Variants in RBFOX1 observed in about 807,000 individuals in gnomAD.
RBFOX1 encodes RNA binding fox-1 homolog 1, also known as RNA binding protein fox-1 homolog 1.
RBFOX1 carries 8 observed loss-of-function variants against 57.7 expected under a neutral mutation model. That is an observed-to-expected ratio of 0.14 (90% CI 0.08 to 0.25). RBFOX1 has a LOEUF of 0.25. Ranked by LOEUF, RBFOX1 falls within the 10% of genes least tolerant of loss-of-function variation. The probability of loss-of-function intolerance (pLI) is 1.00; values close to 1 mark genes in which losing one functional copy is unlikely to be tolerated. For missense variants in RBFOX1, 611 were observed against 548.5 expected (o/e 1.11, Z -1.14); for synonymous variants, 326 against 222.4 (o/e 1.47, Z -4.15).
Position 5,270,386 on chromosome 16 carries a change from G to C in RBFOX1, c.219+30281G>C, listed in dbSNP as rs1363541708. 43 of 1,288,328 alleles carry C rather than the reference G, an allele frequency of 3.3e-5. No individual in the cohort carries two copies. The Admixed American group carries it at 3.7e-4, about 11-fold the overall frequency. 79.8% of individuals were successfully genotyped at this position (1,288,328 alleles called of 1,614,324 possible). A position where few individuals can be genotyped will look rare whatever the true frequency, so the allele number is the denominator to read the frequency against. On this transcript the variant is annotated intron_variant, in intron 1 of 2. Coordinates refer to the RBFOX1 transcript ENST00000585867. ...GGGTCTTGTGTTTGAAGTGAGTCTTGCTGATGTGCAGAATGATGAAGTTGC... is the reference window on the plus strand; with the variant it reads ...GGGTCTTGTGTTTGAAGTGAGTCTTCCTGATGTGCAGAATGATGAAGTTGC...
chr16:6,469,218 A>G (rs1275894747), intron 2 of RBFOX1, among the ~76,000 whole-genome samples: 1 of 152,194 alleles, frequency 6.6e-6, no homozygotes, highest in African/African-American at 2.4e-5. Context: ...TAAAATATAG[A>G]GAAGTAGAGG....
At chr16:6,863,679 A>AAT (rs957898270) in intron 3 of RBFOX1, among the ~76,000 whole-genome samples, 1 of 140,924 alleles carries the variant, frequency 7.1e-6, no homozygotes, top group African/African-American at 2.9e-5. Flanking sequence ...TTAAAAAAAA[A>AAT]AAAAGAAAAA....
chr16:6,987,663 C>T (rs763807837), intron 3 of RBFOX1, among the ~76,000 whole-genome samples: 1 of 152,182 alleles, frequency 6.6e-6, no homozygotes, highest in Admixed American at 6.5e-5. Context: ...CTCCACTGAC[C>T]TGCAGTTCAC....
chr16:7,673,962 C>CACT (rs2072455822), intron 13 of RBFOX1, among the ~76,000 whole-genome samples: 1 of 152,174 alleles, frequency 6.6e-6, no homozygotes, highest in East Asian at 1.9e-4. Flanking sequence ...TTACAGACAT[C>CACT]ACTGTGGAAC....
intron 4 of RBFOX1, among the ~76,000 whole-genome samples, chr16:7,085,576 A>G (rs546572109): frequency 6.6e-6 from 1 of 152,252 alleles, no homozygotes; most frequent in Non-Finnish European, 1.5e-5. Flanking sequence ...TTGTGGAATC[A>G]ATGAATGAAC....
intron 1 of RBFOX1, among the ~76,000 whole-genome samples, chr16:5,406,260 G>C (rs1489714264): frequency 1.3e-5 from 2 of 152,102 alleles, no homozygotes; most frequent in Admixed American, 1.3e-4. Flanking sequence ...GTTTGAATTG[G>C]TGGATGAGTA....
At chr16:5,526,724 C>CT (rs1442264919) in intron 2 of RBFOX1, among the ~76,000 whole-genome samples, 2 of 152,196 alleles carry the variant, frequency 1.3e-5, no homozygotes, top group East Asian at 1.9e-4. Flanking sequence ...CTGTGCCCCT[C>CT]TCCCCCAGCC....
intron 15 of RBFOX1, 188 bp from the exon 16 acceptor site, chr16:7,710,435 G>A (rs2148624878): frequency 3.5e-6 from 5 of 1,411,334 alleles, no homozygotes; most frequent in East Asian, 2.8e-5. Flanking sequence ...AATTTCTTTA[G>A]GAGGAGCTAT....
intron 2 of RBFOX1, among the ~76,000 whole-genome samples, chr16:6,579,211 T>G (rs566687398): frequency 6.6e-6 from 1 of 152,142 alleles, no homozygotes; most frequent in African/African-American, 2.4e-5. Context: ...GTTATTGTTG[T>G]TTTTGTTTTT....
chr16:5,560,998 G>T (rs933935219), intron 2 of RBFOX1, among the ~76,000 whole-genome samples: 2 of 152,190 alleles, frequency 1.3e-5, no homozygotes, highest in Non-Finnish European at 2.9e-5. Context: ...TTAATGCCAG[G>T]ACTAAACCTC....
intron 3 of RBFOX1, among the ~76,000 whole-genome samples, chr16:5,740,931 A>G (rs12051174): frequency 0.28 from 42,875 of 151,984 alleles, 6,477 homozygotes; most frequent in East Asian, 0.57. Flanking sequence ...TGGAGTGAGG[A>G]CTGGAGTCAT....
intron 3 of RBFOX1, among the ~76,000 whole-genome samples, chr16:6,823,685 C>A (rs944959968): frequency 5.9e-5 from 9 of 152,176 alleles, no homozygotes; most frequent in African/African-American, 2.2e-4. Context: ...CATTCTTCTT[C>A]CCTTTTTCAT....
chr16:7,198,157 C>T (rs1008920094), intron 4 of RBFOX1, among the ~76,000 whole-genome samples: 2 of 152,020 alleles, frequency 1.3e-5, no homozygotes, highest in African/African-American at 4.8e-5. Context: ...AGGCACCCGC[C>T]ACCACAGCTG....
chr16:6,755,801 C>T (rs1043707692), intron 3 of RBFOX1, among the ~76,000 whole-genome samples: 1 of 152,070 alleles, frequency 6.6e-6, no homozygotes, highest in Non-Finnish European at 1.5e-5. Context: ...TAACTGTTGC[C>T]CCTATTTGGA....
intron 4 of RBFOX1, among the ~76,000 whole-genome samples, chr16:7,329,187 T>C (rs941491635): frequency 2.6e-5 from 4 of 152,180 alleles, no homozygotes; most frequent in Admixed American, 6.5e-5. Flanking sequence ...ACATTTACCA[T>C]TCCCTGCCCG....
intron 3 of RBFOX1, among the ~76,000 whole-genome samples, chr16:6,844,490 A>G (rs1223372425): frequency 3.3e-5 from 5 of 151,918 alleles, no homozygotes; most frequent in African/African-American, 1.2e-4. Flanking sequence ...AACTCCATCT[A>G]TGTCTCTGCA....
At chr16:6,748,116 G>A (rs1433540605) in intron 3 of RBFOX1, among the ~76,000 whole-genome samples, 1 of 152,012 alleles carries the variant, frequency 6.6e-6, no homozygotes, top group African/African-American at 2.4e-5. Context: ...TTATCTGGTA[G>A]GATCATTTTT....
chr16:6,440,046 C>T (rs1375965555), intron 2 of RBFOX1, among the ~76,000 whole-genome samples: 3 of 148,820 alleles, frequency 2.0e-5, no homozygotes, highest in African/African-American at 7.4e-5. Context: ...AAGCAATCCT[C>T]CTGCCTCAGC....
At chr16:6,813,612 C>G (rs1188234424) in intron 3 of RBFOX1, among the ~76,000 whole-genome samples, 3 of 152,148 alleles carry the variant, frequency 2.0e-5, no homozygotes, top group Non-Finnish European at 2.9e-5. Flanking sequence ...ACAGGTGGCT[C>G]AAAATCAATC....
Sources: gnomAD v4.1 joint callset for allele counts (sites outside exome capture counted in the v4.1 genomes callset) on GRCh38, gnomAD v4.1.1 for gene constraint, MANE v1.5 for transcripts, NCBI Gene and HGNC (gene_info 2026-07-23, HGNC 2026-07-21) for gene names.